The following MYO3B variants were observed in gnomAD, a reference collection of about 807,000 sequenced individuals.
The protein encoded by MYO3B is myosin-IIIb.
In MYO3B, 156 loss-of-function variants were observed where a neutral mutation model predicts 174.6. The observed-to-expected ratio is 0.89, with a 90% CI of 0.78 to 1.02. MYO3B has a LOEUF of 1.02. Ranked by LOEUF, MYO3B falls within the 50% of genes least tolerant of loss-of-function variation. The pLI is 0.00. For synonymous variants in MYO3B, 563 were observed against 569.1 expected (o/e 0.99, Z 0.15); for missense variants, 1,632 against 1,639.4 (o/e 1.00, Z 0.08).
At chr2:170,528,544 T>C (rs1327108372) in intron 30 of MYO3B, among the ~76,000 whole-genome samples, 1 of 152,200 alleles carries the variant, frequency 6.6e-6, no homozygotes, top group African/African-American at 2.4e-5. Flanking sequence ...TAGCTGGGAC[T>C]ATAGCTGTGC....
chr2:170,614,118 G>A (rs2105303402), intron 32 of MYO3B, among the ~76,000 whole-genome samples: 1 of 152,222 alleles, frequency 6.6e-6, no homozygotes, highest in South Asian at 2.1e-4. Flanking sequence ...CTAGGGTGTA[G>A]TAGAAGCAAT....
intron 7 of MYO3B, among the ~76,000 whole-genome samples, chr2:170,264,992 T>C (rs944144933): frequency 2.0e-5 from 3 of 152,138 alleles, no homozygotes; most frequent in African/African-American, 7.2e-5. Flanking sequence ...AATGAAGATA[T>C]GTGAGAGGAG....
intron 32 of MYO3B, among the ~76,000 whole-genome samples, chr2:170,614,481 C>T (rs191818902): frequency 1.8e-4 from 27 of 152,302 alleles, no homozygotes; most frequent in African/African-American, 6.0e-4. Flanking sequence ...CTGCACCCAT[C>T]ATGAGCTGAC....
intron 32 of MYO3B, among the ~76,000 whole-genome samples, chr2:170,639,021 AGAC>A (rs1409817264): frequency 1.3e-5 from 2 of 152,320 alleles, no homozygotes; most frequent in Middle Eastern, 3.4e-3. Flanking sequence ...GCAGAGCTGG[AGAC>A]GAGTGCCCCA....
chr2:170,478,664 G>T (rs1156272914), intron 25 of MYO3B, among the ~76,000 whole-genome samples: 1 of 150,772 alleles, frequency 6.6e-6, no homozygotes, highest in African/African-American at 2.4e-5. Flanking sequence ...CGCCTCCCAG[G>T]TTCAAGTGAT....
At chr2:170,563,031 T>TACACACACACACACACACACACAC (rs56861648) in intron 32 of MYO3B, among the ~76,000 whole-genome samples, 1 of 138,568 alleles carries the variant, frequency 7.2e-6, no homozygotes, top group African/African-American at 2.8e-5. Context: ...AAAACATGCA[T>TACACACACACACACACACACACAC]ACACACACAC....
chr2:170,330,173 GC>G (rs1231031768), intron 7 of MYO3B, among the ~76,000 whole-genome samples: 6 of 152,100 alleles, frequency 3.9e-5, no homozygotes, highest in African/African-American at 1.2e-4. Context: ...CTTTCAGGAA[GC>G]CCTTCTTAAT....
chr2:170,228,988 A>G (rs72885680), intron 6 of MYO3B, among the ~76,000 whole-genome samples: 1 of 149,712 alleles, frequency 6.7e-6, no homozygotes, highest in Non-Finnish European at 1.5e-5. Flanking sequence ...AAAACAACGA[A>G]TCTCAAATGT....
intron 23 of MYO3B, among the ~76,000 whole-genome samples, chr2:170,446,329 A>T (rs991058516): frequency 6.6e-5 from 10 of 152,046 alleles, no homozygotes; most frequent in African/African-American, 2.4e-4. Flanking sequence ...GTCAACCCAC[A>T]TTCCTCTCCT....
intron 8 of MYO3B, chr2:170,340,045 C>A (rs916212031): frequency 7.9e-5 from 12 of 152,146 alleles, no homozygotes; most frequent in Non-Finnish European, 5.9e-5. Flanking sequence ...CAGAAGTAGC[C>A]TTTTGATAAG....
At chr2:170,352,494 A>C (rs1296540729) in intron 8 of MYO3B, among the ~76,000 whole-genome samples, 3 of 152,236 alleles carry the variant, frequency 2.0e-5, no homozygotes, top group Non-Finnish European at 4.4e-5. Flanking sequence ...ATTTCTATCT[A>C]TATGACCATG....
At position 170,400,829 on chromosome 2, in the gene MYO3B, G is replaced by GGTTTTTT. The variant is rs60401794; in HGVS notation, c.1918+515_1918+516insGTTTTTT. ...TCTATGGCAGGTAATTTTGAGCAGT[G>GGTTTTTT]TTTTTTTCTTTTTTTTTTCGAGGCG... On this transcript the variant is annotated intron_variant, in intron 17 of 34. Transcript: ENST00000408978. Among the ~76,000 whole-genome samples, 7 of 151,000 alleles carry GGTTTTTT rather than the reference G, an allele frequency of 4.6e-5. 1 individual carries two copies. The highest frequency in any genetic ancestry group is 1.2e-4 in the African/African-American group (5 of 41,124).
intron 7 of MYO3B, among the ~76,000 whole-genome samples, chr2:170,317,714 T>C (rs1465067162): frequency 6.6e-6 from 1 of 152,172 alleles, no homozygotes; most frequent in African/African-American, 2.4e-5. Flanking sequence ...GTGCTTCCCA[T>C]GAGGCAGCTT....
intron 7 of MYO3B, among the ~76,000 whole-genome samples, chr2:170,326,960 GTGGTTAGGAA>G (rs1274194679): frequency 3.9e-5 from 6 of 152,224 alleles, no homozygotes; most frequent in African/African-American, 1.4e-4. Flanking sequence ...ACTGACTATA[GTGGTTAGGAA>G]TGGTTTATTA....
chr2:170,352,435 A>T (rs1265104231), intron 8 of MYO3B, among the ~76,000 whole-genome samples: 2 of 152,258 alleles, frequency 1.3e-5, no homozygotes, highest in African/African-American at 4.8e-5. Context: ...CTAACAGAAG[A>T]CAGGAAATGA....
At chr2:170,319,385 G>GA (rs548627206) in intron 7 of MYO3B, among the ~76,000 whole-genome samples, 122 of 152,056 alleles carry the variant, frequency 8.0e-4, no homozygotes, top group Non-Finnish European at 1.4e-3. Context: ...TTGTTGAAAT[G>GA]AAAAAAATTA....
At chr2:170,254,205 C>G (rs1040416653) in intron 7 of MYO3B, among the ~76,000 whole-genome samples, 1 of 152,140 alleles carries the variant, frequency 6.6e-6, no homozygotes, top group African/African-American at 2.4e-5. Context: ...TAGAAAAGAT[C>G]CCATGATCCC....
intron 7 of MYO3B, among the ~76,000 whole-genome samples, chr2:170,249,683 T>G (rs934939671): frequency 6.6e-6 from 1 of 152,244 alleles, no homozygotes; most frequent in African/African-American, 2.4e-5. Flanking sequence ...CAGTCCTGTC[T>G]GGTTGGGTTT....
intron 32 of MYO3B, among the ~76,000 whole-genome samples, chr2:170,638,434 G>T (rs924330095): frequency 6.6e-6 from 1 of 152,176 alleles, no homozygotes; most frequent in Non-Finnish European, 1.5e-5. Context: ...TATTTATGGA[G>T]AACTTTTTCC....
Sources: allele counts gnomAD v4.1 joint callset (sites outside exome capture counted in the v4.1 genomes callset), GRCh38; gene constraint gnomAD v4.1.1; transcripts MANE v1.5; gene names NCBI Gene and HGNC (gene_info 2026-07-23, HGNC 2026-07-21).